PEX5L: variants seen among roughly 807,000 people sequenced by gnomAD.
The protein encoded by PEX5L is peroxisomal biogenesis factor 5 like, also known as PEX5-related protein.
In PEX5L, 30 loss-of-function variants were observed where a neutral mutation model predicts 84.0. The ratio of observed to expected loss-of-function variants is 0.36; its 90% CI spans 0.27 to 0.48. The LOEUF (loss-of-function observed/expected upper bound fraction) is 0.48, where lower values mean the gene tolerates loss of function less well. Ranked by LOEUF, PEX5L falls within the 20% of genes least tolerant of loss-of-function variation. The pLI is 0.99. For synonymous variants in PEX5L, 270 were observed against 283.1 expected (o/e 0.95, Z 0.46); for missense variants, 533 against 754.6 (o/e 0.71, Z 3.44).
At chr3:179,863,017 G>T (rs1037478220) in intron 7 of PEX5L, among the ~76,000 whole-genome samples, 1 of 152,116 alleles carries the variant, frequency 6.6e-6, no homozygotes, top group African/African-American at 2.4e-5. Context: ...AGAATAGAGA[G>T]CCCAGAAGTA....
intron 1 of PEX5L, among the ~76,000 whole-genome samples, chr3:180,009,014 C>T (rs1344494583): frequency 6.6e-6 from 1 of 152,184 alleles, no homozygotes; most frequent in Non-Finnish European, 1.5e-5. Flanking sequence ...TGTGTATAAA[C>T]ATAGTGTTGA....
chr3:179,933,862 T>C (rs1432557228), intron 2 of PEX5L, among the ~76,000 whole-genome samples: 1 of 152,242 alleles, frequency 6.6e-6, no homozygotes, highest in East Asian at 1.9e-4. Flanking sequence ...GCTGACCTGC[T>C]GGTCTTAGGA....
intron 6 of PEX5L, 63 bp downstream of exon 6, chr3:179,875,291 A>G (rs1433236018): frequency 6.5e-7 from 1 of 1,535,656 alleles, no homozygotes. Context: ...CTCTTTGGCT[A>G]TTTCAGTGCC....
At chr3:179,947,586 CCAAA>C (rs1419757515) in intron 2 of PEX5L, among the ~76,000 whole-genome samples, 5 of 151,724 alleles carry the variant, frequency 3.3e-5, no homozygotes, top group Non-Finnish European at 7.4e-5. Context: ...CTTAACATTC[CCAAA>C]CAAAGCAAAA....
chr3:179,989,566 T>G (rs1165144621), intron 1 of PEX5L, among the ~76,000 whole-genome samples: 1 of 152,192 alleles, frequency 6.6e-6, no homozygotes, highest in Non-Finnish European at 1.5e-5. Context: ...TTTTCCTTAA[T>G]GACATAATTG....
intron 1 of PEX5L, among the ~76,000 whole-genome samples, chr3:180,000,590 C>A (rs1382825908): frequency 6.6e-6 from 1 of 152,150 alleles, no homozygotes; most frequent in Non-Finnish European, 1.5e-5. Flanking sequence ...GCTATGACCA[C>A]GTGACTAGCT....
rs115204874 is a variant in PEX5L, at chr3:179,873,620, T to A, written c.726+707A>T. On this transcript the variant is annotated intron_variant, in intron 7 of 14. Coordinates refer to ENST00000467460, the MANE Select transcript of PEX5L (RefSeq NM_016559.3). The stretch of plus-strand genomic sequence containing the variant: ...CAGCTAGTTAAACTGGACTTAAGGT[T>A]CAAGTAATGGACAGACAGACCTGGT... 8.3e-3 allele frequency among the ~76,000 whole-genome samples: 1,269 copies of A among 152,300 alleles called. 18 individuals carry two copies. Among genetic ancestry groups the A allele is most frequent in the African/African-American group, 0.029 (1,214 of 41,546 alleles).
At chr3:180,034,430 C>G (rs780909260) in intron 1 of PEX5L, among the ~76,000 whole-genome samples, 53 of 152,118 alleles carry the variant, frequency 3.5e-4, no homozygotes, top group Non-Finnish European at 1.6e-4. Context: ...CAGGTACACA[C>G]AGGAAGATGA....
intron 5 of PEX5L, among the ~76,000 whole-genome samples, chr3:179,879,663 T>A (rs113565516): frequency 6.6e-6 from 1 of 152,230 alleles, no homozygotes; most frequent in Non-Finnish European, 1.5e-5. Context: ...TTTGTAACTT[T>A]AGTGCCTAAC....
intron 2 of PEX5L, among the ~76,000 whole-genome samples, chr3:179,944,555 C>T (rs1448025025): frequency 1.3e-5 from 2 of 152,208 alleles, no homozygotes; most frequent in African/African-American, 2.4e-5. Context: ...ATGTCAGTTT[C>T]CCATTCTCAT....
At chr3:179,908,772 T>C (rs1358947135) in intron 2 of PEX5L, among the ~76,000 whole-genome samples, 1 of 152,218 alleles carries the variant, frequency 6.6e-6, no homozygotes, top group Non-Finnish European at 1.5e-5. Context: ...TCCAGCTTCA[T>C]CCATGTCCCT....
rs533459707 is a variant in PEX5L at position 179,796,485 on chromosome 3, T to G, written c.*5343A>C. On this transcript the variant is annotated 3_prime_UTR_variant, in exon 15 of 15. Coordinates refer to ENST00000467460, the MANE Select transcript of PEX5L (RefSeq NM_016559.3). Reference sequence around the variant, plus strand: ...TCAAGGCAAAATACCACATGAGAGGTTGTTAAACCTCACAGTTTAATTTTC... The same window carrying G: ...TCAAGGCAAAATACCACATGAGAGGGTGTTAAACCTCACAGTTTAATTTTC... 6.6e-6 allele frequency: 1 copy of G among 152,238 alleles called. No homozygotes were observed. The highest frequency in any genetic ancestry group is 1.5e-5 in the Non-Finnish European group (1 of 67,992). 9.4% of individuals were successfully genotyped at this position (152,238 alleles called of 1,614,324 possible). A position where few individuals can be genotyped will look rare whatever the true frequency, so the allele number is the denominator to read the frequency against.
chr3:179,814,733 A>T (rs115476382), intron 10 of PEX5L, among the ~76,000 whole-genome samples: 1,987 of 152,144 alleles, frequency 0.013, 13 homozygotes, highest in Non-Finnish European at 0.02. Context: ...CACTCTTCTC[A>T]TCTCGGAGAA....
At chr3:179,949,649 G>T (rs1778549761) in intron 2 of PEX5L, among the ~76,000 whole-genome samples, 1 of 152,088 alleles carries the variant, frequency 6.6e-6, no homozygotes, top group African/African-American at 2.4e-5. Flanking sequence ...GAGACAGGTG[G>T]CCTTCTTGCC....
At chr3:179,819,626 A>G (rs1727644669) in intron 9 of PEX5L, among the ~76,000 whole-genome samples, 1 of 152,144 alleles carries the variant, frequency 6.6e-6, no homozygotes, top group Non-Finnish European at 1.5e-5. Context: ...CAGCTGCCAA[A>G]CTGTCTGTCT....
chr3:179,798,692 C>T lies in PEX5L; in HGVS notation c.*3136G>A, dbSNP rs1267177350. On this transcript the variant is annotated 3_prime_UTR_variant, in exon 15 of 15. Coordinates refer to ENST00000467460, the MANE Select transcript of PEX5L (RefSeq NM_016559.3). ...TGAAAAAGGAAACTCAAAGCCTTCT[C>T]AGAGTACCTCAGAAGGGAAATAAGG... is the stretch of plus-strand genomic sequence containing the variant. The T allele has an allele frequency of 1.3e-5, 2 of 152,160 alleles. No homozygotes were observed. The highest frequency in any genetic ancestry group is 2.9e-5 in the Non-Finnish European group (2 of 68,038). The allele number at this position is 152,160 out of a possible 1,614,324, so 9.4% of individuals were successfully genotyped here.
intron 1 of PEX5L, among the ~76,000 whole-genome samples, chr3:180,021,050 C>T (rs1790378880): frequency 6.6e-6 from 1 of 152,074 alleles, no homozygotes; most frequent in Non-Finnish European, 1.5e-5. Flanking sequence ...TCTGCACAGG[C>T]TCAGGGTGCT....
At chr3:179,945,046 T>C (rs531388436) in intron 2 of PEX5L, among the ~76,000 whole-genome samples, 3 of 152,360 alleles carry the variant, frequency 2.0e-5, no homozygotes, top group African/African-American at 7.2e-5. Context: ...ATGCTTGCAC[T>C]CAGAACTTCT....
chr3:179,840,266 G>A (rs561670129), intron 8 of PEX5L, among the ~76,000 whole-genome samples: 19 of 131,212 alleles, frequency 1.4e-4, no homozygotes, highest in East Asian at 5.4e-4. Context: ...TTGGTGCACC[G>A]CAATCTCCGT....
Sources: allele counts gnomAD v4.1 joint callset (sites outside exome capture counted in the v4.1 genomes callset), GRCh38; gene constraint gnomAD v4.1.1; transcripts MANE v1.5; gene names NCBI Gene and HGNC (gene_info 2026-07-23, HGNC 2026-07-21).